Variants in PRKN observed in about 807,000 individuals in gnomAD.
PRKN encodes parkin RBR E3 ubiquitin protein ligase.
In PRKN, 56 loss-of-function variants were observed where a neutral mutation model predicts 59.5. That is an observed-to-expected ratio of 0.94 (90% CI 0.76 to 1.18). The LOEUF (loss-of-function observed/expected upper bound fraction) is 1.18. PRKN is among the 50% of genes most tolerant of loss of function. The pLI is 0.00. For missense variants in PRKN, 657 were observed against 596.4 expected (o/e 1.10, Z -1.06); for synonymous variants, 250 against 222.1 (o/e 1.13, Z -1.12).
At chr6:162,450,758 A>G (rs1247832651) in intron 1 of PRKN, among the ~76,000 whole-genome samples, 1 of 152,342 alleles carries the variant, frequency 6.6e-6, no homozygotes, top group South Asian at 2.1e-4. Context: ...GTTAGAGTCT[A>G]AGGGCCTAAG....
chr6:162,623,339 T>G (rs1184506778), intron 1 of PRKN, among the ~76,000 whole-genome samples: 1 of 152,216 alleles, frequency 6.6e-6, no homozygotes, highest in Non-Finnish European at 1.5e-5. Flanking sequence ...TTAAAGGATT[T>G]CTGAAATCAG....
In PRKN at chr6:161,793,109, C is replaced by T. The variant is rs908786978; in HGVS notation, c.735-7201G>A. ...TGAATTAGCCAAGTGAGCAACCCCC[C>T]TCACTGGAGAGGAGCCTGCTCCGAG... On this transcript the variant is annotated intron_variant, in intron 6 of 11. Coordinates refer to ENST00000366898, the MANE Select transcript of PRKN (RefSeq NM_004562.3). Among the ~76,000 whole-genome samples the T allele has an allele frequency of 2.6e-5, 4 of 152,344 alleles. No individual in the cohort carries two copies. The East Asian group carries it at 7.7e-4, about 29-fold the overall frequency.
chr6:162,642,310 AAAAT>A (rs1777994845), intron 1 of PRKN, among the ~76,000 whole-genome samples: 1 of 152,196 alleles, frequency 6.6e-6, no homozygotes, highest in Admixed American at 6.5e-5. Flanking sequence ...TATGATCCAT[AAAAT>A]AAGAACCAAA....
At chr6:162,654,014 T>G (rs894468030) in intron 1 of PRKN, among the ~76,000 whole-genome samples, 1 of 152,228 alleles carries the variant, frequency 6.6e-6, no homozygotes, top group Non-Finnish European at 1.5e-5. Flanking sequence ...CTTTAGGTAC[T>G]TCACATAAAG....
chr6:162,391,831 T>C (rs1300958520), intron 2 of PRKN, among the ~76,000 whole-genome samples: 1 of 152,142 alleles, frequency 6.6e-6, no homozygotes, highest in Non-Finnish European at 1.5e-5. Flanking sequence ...TTGCAAAAAA[T>C]CTTAGGTTAG....
intron 4 of PRKN, among the ~76,000 whole-genome samples, chr6:162,194,786 G>A (rs1424338781): frequency 9.9e-5 from 15 of 152,054 alleles, no homozygotes. Flanking sequence ...TGGTAAAAGG[G>A]AAAAAGAGGA....
At position 162,163,793 on chromosome 6, in the gene PRKN, A is replaced by C. The variant is rs1038489829; in HGVS notation, c.534+37338T>G. ...CCTTGCACATTTATATCCATGCTGC[A>C]ATGATCCCCACATCTCTCATGGTGC... On this transcript the variant is annotated intron_variant, in intron 4 of 11. Coordinates refer to ENST00000366898, the MANE Select transcript of PRKN (RefSeq NM_004562.3). Among the ~76,000 whole-genome samples the C allele has an allele frequency of 2.2e-5, 3 of 136,228 alleles. 1 individual carries two copies. Among genetic ancestry groups the C allele is most frequent in the African/African-American group, 8.9e-5 (3 of 33,626 alleles). The allele number at this position is 136,228 out of a possible 152,430, so 89.4% of individuals were successfully genotyped here.
rs1311178926 is a variant in PRKN at position 162,250,646 on chromosome 6, T to TA, written c.412+11878dup. ...TTCACTTTCATCTAATTGTTTCATC[T>TA]ATTTATATCTGTTGGCAGAATAAAG... On this transcript the variant is annotated intron_variant, in intron 3 of 11. Transcript: ENST00000366898. Among the ~76,000 whole-genome samples the TA allele has an allele frequency of 4.6e-5, 7 of 152,332 alleles. No homozygotes were observed. In the East Asian group the frequency reaches 9.7e-4, roughly 21 times the overall value.
intron 5 of PRKN, among the ~76,000 whole-genome samples, chr6:162,051,431 C>G (rs4348296): frequency 7.9e-5 from 12 of 151,986 alleles, no homozygotes; most frequent in Non-Finnish European, 1.5e-4. Flanking sequence ...GGGGACTTTC[C>G]GCCGCAGGTA....
intron 1 of PRKN, among the ~76,000 whole-genome samples, chr6:162,535,484 CTA>C (rs1451878991): frequency 1.3e-5 from 2 of 151,986 alleles, no homozygotes; most frequent in African/African-American, 4.8e-5. Flanking sequence ...TACCCATTTC[CTA>C]TATATGAATA....
intron 7 of PRKN, among the ~76,000 whole-genome samples, chr6:161,717,914 G>T (rs896392113): frequency 1.3e-5 from 2 of 152,132 alleles, no homozygotes; most frequent in Non-Finnish European, 2.9e-5. Context: ...GGTCCTCAGT[G>T]TCATTGTGCA....
chr6:161,939,341 C>T (rs1184784261), intron 6 of PRKN, among the ~76,000 whole-genome samples: 1 of 134,500 alleles, frequency 7.4e-6, no homozygotes, highest in Non-Finnish European at 1.5e-5. Flanking sequence ...TCACTTGAGC[C>T]TGGGCGGTGG....
chr6:162,280,938 C>T lies in PRKN; in HGVS notation c.172-18173G>A, dbSNP rs546927634. On this transcript the variant is annotated intron_variant, in intron 2 of 11. Transcript: ENST00000366898. ...CTGTTCACATATACACCATGGAATACTATGCAACCATAAAAAAGAATGAGA... is the reference window on the plus strand; with the variant it reads ...CTGTTCACATATACACCATGGAATATTATGCAACCATAAAAAAGAATGAGA... 2.0e-5 allele frequency among the ~76,000 whole-genome samples: 3 copies of T among 151,670 alleles called. No homozygotes were observed. The East Asian group carries it at 5.9e-4, about 30-fold the overall frequency.
intron 2 of PRKN, among the ~76,000 whole-genome samples, chr6:162,298,491 A>T (rs760371719): frequency 4.6e-5 from 7 of 151,908 alleles, no homozygotes; most frequent in Non-Finnish European, 1.0e-4. Flanking sequence ...ATCTGAACTG[A>T]CACACCCTGG....
At chr6:162,257,847 C>G (rs567048957) in intron 3 of PRKN, among the ~76,000 whole-genome samples, 126 of 152,270 alleles carry the variant, frequency 8.3e-4, no homozygotes, top group African/African-American at 2.8e-3. Flanking sequence ...CAGCATGAGG[C>G]TTCCTGAAGT....
chr6:162,406,614 A>T (rs1195806646), intron 2 of PRKN, among the ~76,000 whole-genome samples: 1 of 152,116 alleles, frequency 6.6e-6, no homozygotes, highest in African/African-American at 2.4e-5. Flanking sequence ...TGTGAGAGTC[A>T]CTCCAGTGAA....
rs550712732 is a variant in PRKN at position 161,477,299 on chromosome 6, C to T, written c.1083+71555G>A. On this transcript the variant is annotated intron_variant, in intron 9 of 11. Transcript: ENST00000366898. ...TTGGGAGGCCCAGGCGGGCGGATCA[C>T]CTGAGGTCGGGAGTTCGAGACCAGC... 2.0e-4 allele frequency among the ~76,000 whole-genome samples: 30 copies of T among 152,268 alleles called. 1 individual carries two copies. The East Asian group carries it at 5.8e-3, about 29-fold the overall frequency.
chr6:161,556,067 A>G (rs533817125), intron 8 of PRKN, among the ~76,000 whole-genome samples: 14 of 152,374 alleles, frequency 9.2e-5, no homozygotes, highest in Admixed American at 7.2e-4. Context: ...TAATGTATGG[A>G]CAACGTCCAA....
At chr6:162,406,451 C>T (rs772871459) in intron 2 of PRKN, among the ~76,000 whole-genome samples, 1 of 152,174 alleles carries the variant, frequency 6.6e-6, no homozygotes, top group Non-Finnish European at 1.5e-5. Context: ...ATAAAGAATG[C>T]AGTACTTAGA....
Sources: gnomAD v4.1 joint callset for allele counts (sites outside exome capture counted in the v4.1 genomes callset) on GRCh38, gnomAD v4.1.1 for gene constraint, MANE v1.5 for transcripts, NCBI Gene and HGNC (gene_info 2026-07-23, HGNC 2026-07-21) for gene names.